Variants in TOGARAM1 observed in about 807,000 individuals in gnomAD.
TOGARAM1 encodes TOG array regulator of axonemal microtubules 1.
Under a neutral mutation model 166.6 loss-of-function variants are expected in TOGARAM1, and 100 were observed. The observed-to-expected ratio is 0.60, with a 90% CI of 0.51 to 0.71. The LOEUF (loss-of-function observed/expected upper bound fraction) is 0.71. Ranked by LOEUF, TOGARAM1 falls within the 30% of genes least tolerant of loss-of-function variation. TOGARAM1 has a pLI of 0.00. For missense variants in TOGARAM1, 2,029 were observed against 2,102.7 expected (o/e 0.96, Z 0.69); for synonymous variants, 758 against 763.8 (o/e 0.99, Z 0.13).
chr14:44,975,767 TC>T (rs1886149048), intron 1 of TOGARAM1, among the ~76,000 whole-genome samples: 1 of 147,580 alleles, frequency 6.8e-6, no homozygotes, highest in Non-Finnish European at 1.5e-5. Flanking sequence ...ATGCCCGGCT[TC>T]CCCTGCCTTT....
rs183506982 is a variant in TOGARAM1 at position 45,058,311 on chromosome 14, T to C, written c.4559+3762T>C. ...ATGTAGAGTGTCTTTTTTTTTTTTT[T>C]TGAGACAGTGTCTCACACAATTGCC... On this transcript the variant is annotated intron_variant, in intron 16 of 19. Coordinates refer to ENST00000361462, the MANE Select transcript of TOGARAM1 (RefSeq NM_001308120.2). Among the ~76,000 whole-genome samples, 352 of 152,116 alleles carry C rather than the reference T, an allele frequency of 2.3e-3. 4 individuals carry two copies. The highest frequency in any genetic ancestry group is 8.3e-3 in the African/African-American group (343 of 41,492).
intron 1 of TOGARAM1, among the ~76,000 whole-genome samples, chr14:44,987,148 T>G (rs1886862709): frequency 1.3e-5 from 2 of 151,910 alleles, no homozygotes; most frequent in African/African-American, 4.8e-5. Context: ...TTCACCATGT[T>G]GGCCAGGATG....
chr14:45,066,610 A>C lies in TOGARAM1; in HGVS notation c.4592A>C (p.Lys1531Thr). Residue 1531 changes from lysine (K) to threonine (T), a missense_variant, in exon 17 of 20, where the codon AAA becomes ACA. Coordinates refer to ENST00000361462, the MANE Select transcript of TOGARAM1 (RefSeq NM_001308120.2). ...AVTEVREVTR[K>T]SVPRNSLESA... ...ACTGAAGTTCGTGAAGTCACCAGAA[A>C]ATCAGTCCCTCGTAATTCCTTAGAA... is the stretch of plus-strand genomic sequence containing the variant. 1 of 1,610,562 alleles carries C rather than the reference A, an allele frequency of 6.2e-7. No individual in the cohort carries two copies.
At chr14:45,015,052 C>G (rs1335632134) in intron 7 of TOGARAM1, among the ~76,000 whole-genome samples, 2 of 152,138 alleles carry the variant, frequency 1.3e-5, no homozygotes, top group East Asian at 3.9e-4. Context: ...ACCTCTAATC[C>G]CAGCACTTTG....
intron 16 of TOGARAM1, among the ~76,000 whole-genome samples, chr14:45,061,801 T>G (rs1448296325): frequency 6.6e-6 from 1 of 152,126 alleles, no homozygotes; most frequent in African/African-American, 2.4e-5. Flanking sequence ...TCTATAATCA[T>G]GAGGTCTTTA....
rs757676346 is a variant in TOGARAM1, at chr14:44,964,415, A to G, written c.1994A>G (p.Gln665Arg). The G allele has an allele frequency of 4.3e-6, 7 of 1,609,294 alleles. No individual in the cohort carries two copies. Among genetic ancestry groups the G allele is most frequent in the African/African-American group, 2.7e-5 (2 of 74,738 alleles). ...GKNKLPWENE[Q>R]PGIMGENQTS... is the part of the protein sequence containing the mutation. ...AATAAATTACCATGGGAAAATGAGC[A>G]ACCTGGAATCATGGGAGAAAACCAG... The change falls in exon 1 of 20, where the codon CAA becomes CGA. Residue 665 changes from glutamine to arginine, a missense_variant. Transcript: ENST00000361462.
intron 18 of TOGARAM1, among the ~76,000 whole-genome samples, chr14:45,069,379 A>T (rs1019248531): frequency 2.7e-5 from 4 of 150,822 alleles, no homozygotes; most frequent in Admixed American, 6.6e-5. Flanking sequence ...AAAAAATTTT[A>T]AAAAATTAAA....
intron 1 of TOGARAM1, among the ~76,000 whole-genome samples, chr14:44,974,137 C>A (rs537518013): frequency 6.6e-6 from 1 of 151,812 alleles, no homozygotes; most frequent in Non-Finnish European, 1.5e-5. Flanking sequence ...CTAGTAATCC[C>A]ATTATACATA....
At position 45,025,885 on chromosome 14, in the gene TOGARAM1, T is replaced by C; in HGVS notation, c.3328+13T>C. On this transcript the variant is annotated intron_variant, in intron 8 of 19. Transcript: ENST00000361462. The stretch of plus-strand genomic sequence containing the variant: ...GTTGTTGGAAAAGGTATTTCAAAGT[T>C]ATTTCGCTTCTTAATTATATGTATT... 7.2e-7 allele frequency: 1 copy of C among 1,397,174 alleles called. No individual in the cohort carries two copies. Among genetic ancestry groups the C allele is most frequent in the Non-Finnish European group, 1.0e-6 (1 of 988,932 alleles). 86.5% of individuals were successfully genotyped at this position (1,397,174 alleles called of 1,614,324 possible).
rs147266048 is a variant in TOGARAM1, at chr14:45,027,706, T to C, written c.3504+232T>C. ...GAGAAAGTAGAGAGCCTATTTTCTC[T>C]AGGAAAAATACAAAAATGTAGCTAC... On this transcript the variant is annotated intron_variant, in intron 9 of 19. Transcript: ENST00000361462. Among the ~76,000 whole-genome samples, 623 of 151,974 alleles carry C rather than the reference T, an allele frequency of 4.1e-3. 8 individuals are homozygous for C. The highest frequency in any genetic ancestry group is 5.9e-3 in the Non-Finnish European group (399 of 67,966).
At position 45,071,779 on chromosome 14, in the gene TOGARAM1, C is replaced by T. The variant is rs1368139841; in HGVS notation, c.5037C>T (p.Asp1679=). ...TTTTAAATGGAAAAGCAAAACAGGA[C>T]ATGACGGAAAAGCTTGCTGGTAAAT... The part of the protein sequence containing the change: ...AQFLNGKAKQ[D]MTEKLADIVT... The change falls in exon 19 of 20, where the codon GAC becomes GAT. Residue 1679 remains aspartate, a synonymous_variant. Coordinates refer to ENST00000361462, the MANE Select transcript of TOGARAM1 (RefSeq NM_001308120.2). 2 of 1,611,188 alleles carry T rather than the reference C, an allele frequency of 1.2e-6. No homozygotes were observed. Among genetic ancestry groups the T allele is most frequent in the Admixed American group, 3.4e-5 (2 of 59,514 alleles).
chr14:45,026,635 TCTTTA>T (rs1397051343), intron 8 of TOGARAM1, among the ~76,000 whole-genome samples: 1 of 152,088 alleles, frequency 6.6e-6, no homozygotes, highest in African/African-American at 2.4e-5. Flanking sequence ...CCCCTCTCCT[TCTTTA>T]CTTTATACAG....
At chr14:45,045,543 G>GTGTGTATA (rs1457434775) in intron 13 of TOGARAM1, among the ~76,000 whole-genome samples, 1 of 38,922 alleles carries the variant, frequency 2.6e-5, no homozygotes, top group Non-Finnish European at 5.0e-5. Context: ...GTCTGTGTGT[G>GTGTGTATA]TATATATATA....
At chr14:45,044,579 A>C in intron 12 of TOGARAM1, 56 bp from the exon 13 acceptor site, 1 of 1,200,074 alleles carries the variant, frequency 8.3e-7, no homozygotes, top group Non-Finnish European at 1.2e-6. Flanking sequence ...CCAAGTTATT[A>C]TTAGTGATTT....
chr14:44,987,999 G>A (rs1345416621), intron 1 of TOGARAM1, among the ~76,000 whole-genome samples: 7 of 151,060 alleles, frequency 4.6e-5, no homozygotes, highest in African/African-American at 1.2e-4. Context: ...GCAAACTATC[G>A]CAAGGACAAA....
intron 1 of TOGARAM1, among the ~76,000 whole-genome samples, chr14:44,969,016 G>C (rs1251458363): frequency 6.6e-6 from 1 of 151,976 alleles, no homozygotes; most frequent in African/African-American, 2.4e-5. Context: ...TTATACAGTA[G>C]CTTGCATTTT....
chr14:45,034,160 A>G (rs894374589), intron 11 of TOGARAM1, among the ~76,000 whole-genome samples: 1 of 152,174 alleles, frequency 6.6e-6, no homozygotes, highest in Non-Finnish European at 1.5e-5. Context: ...CCATCTCAAA[A>G]ACAAAGAAAC....
At chr14:44,990,927 G>T (rs1051312248) in intron 1 of TOGARAM1, among the ~76,000 whole-genome samples, 1 of 146,510 alleles carries the variant, frequency 6.8e-6, no homozygotes, top group African/African-American at 2.6e-5. Context: ...GGGATTACAG[G>T]TGTGAGCCAC....
At chr14:45,025,975 A>G in intron 8 of TOGARAM1, 103 bp downstream of exon 8, 1 of 576,680 alleles carries the variant, frequency 1.7e-6, no homozygotes, top group East Asian at 3.0e-5. Context: ...TGTTGAGTGG[A>G]ACTTCTTTTT....
Sources: gnomAD v4.1 joint callset for allele counts (sites outside exome capture counted in the v4.1 genomes callset) on GRCh38, gnomAD v4.1.1 for gene constraint, MANE v1.5 for transcripts, NCBI Gene and HGNC (gene_info 2026-07-23, HGNC 2026-07-21) for gene names.